The following ZNF718 variants were observed in gnomAD, a reference collection of about 807,000 sequenced individuals.
ZNF718 encodes the protein zinc finger protein 718.
A neutral mutation model predicts 2.6 loss-of-function variants in ZNF718; 3 were observed. That is an observed-to-expected ratio of 1.16 (90% CI 0.53 to 3.01). ZNF718 has a LOEUF of 3.01. ZNF718 is among the 30% of genes most tolerant of loss of function. The pLI is 0.03. For synonymous variants in ZNF718, 135 were observed against 77.9 expected (o/e 1.73, Z -3.86); for missense variants, 468 against 230.0 (o/e 2.03, Z -6.69).
chr4:136,069 G>A (rs886908540), intron 3 of ZNF718, among the ~76,000 whole-genome samples: 2 of 152,068 alleles, frequency 1.3e-5, no homozygotes, highest in African/African-American at 2.4e-5. Context: ...TTGTGTTACC[G>A]GAGATTTGGA....
At chr4:171,369 CT>C (rs1347282768) in intron 3 of ZNF718, among the ~76,000 whole-genome samples, 1 of 152,206 alleles carries the variant, frequency 6.6e-6, no homozygotes, top group Admixed American at 6.5e-5. Context: ...CTCTTCAAGG[CT>C]GTCAGACAGG....
chr4:138,204 C>G (rs576074490), intron 3 of ZNF718, among the ~76,000 whole-genome samples: 1 of 152,302 alleles, frequency 6.6e-6, no homozygotes, highest in South Asian at 2.1e-4. Context: ...ACTATAGTCA[C>G]TCTGTGTACT....
At chr4:190,297 A>T (rs1342722982) in intron 3 of ZNF718, among the ~76,000 whole-genome samples, 1 of 151,836 alleles carries the variant, frequency 6.6e-6, no homozygotes, top group Non-Finnish European at 1.5e-5. Context: ...AGGCGTGGTG[A>T]TGGGCGCCTG....
chr4:161,673 A>G lies in ZNF718; in HGVS notation c.988A>G (p.Lys330Glu). 2.6e-6 allele frequency: 2 copies of G among 779,486 alleles called. No homozygotes were observed. The highest frequency in any genetic ancestry group is 4.8e-6 in the Non-Finnish European group (2 of 417,214). 48.3% of individuals were successfully genotyped at this position (779,486 alleles called of 1,614,324 possible). Residue 330 changes from lysine to glutamate, a missense_variant, in exon 4 of 4, where the codon AAG (lysine) becomes GAG (glutamate). Transcript: ENST00000510175. The part of the protein sequence containing the change: ...FTTSSDFAKH[K>E]RIHTGEKPYK... ...CACATCCTCAGACTTTGCTAAACAT[A>G]AGAGAATTCATACAGGAGAGAAACC...
intron 3 of ZNF718, among the ~76,000 whole-genome samples, chr4:144,370 C>T (rs1313455095): frequency 6.6e-6 from 1 of 152,188 alleles, no homozygotes; most frequent in Non-Finnish European, 1.5e-5. Context: ...TGCATTCGCT[C>T]TACTGTTTTA....
At chr4:151,018 C>T (rs1716293378) in intron 3 of ZNF718, among the ~76,000 whole-genome samples, 1 of 152,094 alleles carries the variant, frequency 6.6e-6, no homozygotes, top group Admixed American at 6.5e-5. Context: ...CCTATAATGG[C>T]TCTACTAACT....
At chr4:169,749 G>A (rs565837101) in intron 3 of ZNF718, among the ~76,000 whole-genome samples, 71 of 152,232 alleles carry the variant, frequency 4.7e-4, no homozygotes, top group African/African-American at 1.6e-3. Flanking sequence ...GCCTCTGCAC[G>A]TGAGATGGGT....
At chr4:194,928 C>T (rs1037749347) in intron 3 of ZNF718, among the ~76,000 whole-genome samples, 1 of 152,162 alleles carries the variant, frequency 6.6e-6, no homozygotes, top group South Asian at 2.1e-4. Flanking sequence ...GGTGTGTAAC[C>T]ACCCATGGAC....
At chr4:191,412 G>A (rs782233200) in intron 3 of ZNF718, among the ~76,000 whole-genome samples, 4 of 151,906 alleles carry the variant, frequency 2.6e-5, no homozygotes, top group Non-Finnish European at 5.9e-5. Flanking sequence ...TCAGCTCCCC[G>A]AAGTGTTGGG....
chr4:133,198 ATATATATATATATATAT>A lies in ZNF718; in HGVS notation c.226+1694_226+1710del. ...ATCTTAAAAAAAAAAAAAAAAAAAT[ATATATATATATATATAT>A]ATATATATATATATGGTAACACTAA... On this transcript the variant is annotated intron_variant, in intron 3 of 3. Transcript: ENST00000510175. 1.0e-4 allele frequency among the ~76,000 whole-genome samples: 2 copies of A among 19,278 alleles called. 1 individual carries two copies. The highest frequency in any genetic ancestry group is 1.8e-4 in the Non-Finnish European group (2 of 11,254). 12.6% of individuals were successfully genotyped at this position (19,278 alleles called of 152,430 possible). A position where few individuals can be genotyped will look rare whatever the true frequency, so the allele number is the denominator to read the frequency against.
rs1381758513 is a variant in ZNF718 at position 124,864 on chromosome 4, T to C, written c.3+191T>C. On this transcript the variant is annotated intron_variant, in intron 1 of 3. Transcript: ENST00000510175. ...CTGGCCCAGCCTGCAGCCCTCCTTG[T>C]GCAGCTCTGCGCCGGTAGCCCTGCA... 6.1e-6 allele frequency: 4 copies of C among 651,542 alleles called. No homozygotes were observed. The African/African-American group carries it at 7.4e-5, about 12-fold the overall frequency. 40.4% of individuals were successfully genotyped at this position (651,542 alleles called of 1,614,324 possible).
Position 178,978 on chromosome 4 carries a change from T to C in ZNF718, c.227-22103T>C, listed in dbSNP as rs181124455. Among the ~76,000 whole-genome samples, 481 of 152,324 alleles carry C rather than the reference T, an allele frequency of 3.2e-3. 1 individual carries two copies. Among genetic ancestry groups the C allele is most frequent in the African/African-American group, 0.01 (418 of 41,570 alleles). On this transcript the variant is annotated intron_variant and NMD_transcript_variant, in intron 3 of 4. Transcript: ENST00000642529. ...AAAAAATTTGTGAAAATTAATGTTA[T>C]TATGCTCCTCCCTATTTTTCTGAAC...
chr4:190,286 C>T (rs531731201), intron 3 of ZNF718, among the ~76,000 whole-genome samples: 3 of 151,930 alleles, frequency 2.0e-5, no homozygotes, highest in East Asian at 3.9e-4. Context: ...AAAAATTAGC[C>T]AGGCGTGGTG....
chr4:200,096 G>A (rs140523328), intron 3 of ZNF718, among the ~76,000 whole-genome samples: 68 of 152,332 alleles, frequency 4.5e-4, no homozygotes, highest in African/African-American at 1.5e-3. Flanking sequence ...TAGAATGTCA[G>A]AAATAATTCT....
chr4:169,409 T>C (rs1174999812), intron 3 of ZNF718, among the ~76,000 whole-genome samples: 1 of 152,176 alleles, frequency 6.6e-6, no homozygotes. Flanking sequence ...ATATCCTTGT[T>C]AACTTTCTGT....
Position 161,719 on chromosome 4 carries a change from G to A in ZNF718, c.1034G>A (p.Gly345Glu), listed in dbSNP as rs782056700. 30 of 779,020 alleles carry A rather than the reference G, an allele frequency of 3.9e-5. No individual in the cohort carries two copies. The highest frequency in any genetic ancestry group is 4.5e-4 in the Middle Eastern group (2 of 4,462). 48.3% of individuals were successfully genotyped at this position (779,020 alleles called of 1,614,324 possible). Residue 345 changes from glycine to glutamate, a missense_variant, in exon 4 of 4, where the codon GGA becomes GAA. Coordinates refer to ENST00000510175, the MANE Select transcript of ZNF718 (RefSeq NM_001039127.6). ...GEKPYKCEEC[G>E]KSFNRSTTLT... Reference sequence around the variant, plus strand: ...AAACCCTACAAATGTGAAGAATGTGGAAAATCCTTTAATAGGTCCACAACT... The same window carrying A: ...AAACCCTACAAATGTGAAGAATGTGAAAAATCCTTTAATAGGTCCACAACT...
chr4:194,854 C>G (rs914128806), intron 3 of ZNF718, among the ~76,000 whole-genome samples: 1 of 152,210 alleles, frequency 6.6e-6, no homozygotes, highest in African/African-American at 2.4e-5. Context: ...CTACCCCTAG[C>G]CATTTTCCGA....
At chr4:142,906 G>T (rs372359056) in intron 3 of ZNF718, among the ~76,000 whole-genome samples, 5 of 152,080 alleles carry the variant, frequency 3.3e-5, no homozygotes, top group Non-Finnish European at 5.9e-5. Context: ...GGAGCATACT[G>T]TGAACTCTTG....
At chr4:184,036 A>G (rs1717517509) in intron 3 of ZNF718, among the ~76,000 whole-genome samples, 2 of 152,112 alleles carry the variant, frequency 1.3e-5, no homozygotes, top group African/African-American at 2.4e-5. Flanking sequence ...CACAACTTCC[A>G]ATACTGTGTT....
Sources: allele counts gnomAD v4.1 joint callset (sites outside exome capture counted in the v4.1 genomes callset), GRCh38; gene constraint gnomAD v4.1.1; transcripts MANE v1.5; gene names NCBI Gene and HGNC (gene_info 2026-07-23, HGNC 2026-07-21).